Variants in TAFA1 observed in about 807,000 individuals in gnomAD.
TAFA1 encodes TAFA chemokine like family member 1, also known as chemokine-like protein TAFA-1.
Under a neutral mutation model 18.5 loss-of-function variants are expected in TAFA1, and 4 were observed. The observed-to-expected ratio is 0.22, with a 90% confidence interval of 0.11 to 0.49. TAFA1 has a LOEUF of 0.49. Among genes scored for constraint, TAFA1 ranks in the 20% least tolerant of loss-of-function variants. The pLI is 0.98. For synonymous variants in TAFA1, 56 were observed against 55.2 expected (o/e 1.01, Z -0.06); for missense variants, 147 against 169.0 (o/e 0.87, Z 0.72).
rs181777223 is a variant in TAFA1, at chr3:68,007,277, C to T, written c.118+533C>T. On this transcript the variant is annotated intron_variant, in intron 2 of 4. Coordinates refer to ENST00000478136, the MANE Select transcript of TAFA1 (RefSeq NM_213609.4). ...CCGGTATGCTCAGTGGCATTTTTCCCTCTCTTTTGGCAGTTTCAGGGACGA... is the reference window on the plus strand; with the variant it reads ...CCGGTATGCTCAGTGGCATTTTTCCTTCTCTTTTGGCAGTTTCAGGGACGA... Among the ~76,000 whole-genome samples, 430 of 152,248 alleles carry T rather than the reference C, an allele frequency of 2.8e-3. 1 individual carries two copies. Among genetic ancestry groups the T allele is most frequent in the African/African-American group, 9.2e-3 (384 of 41,536 alleles).
At chr3:68,535,785 AT>A (rs1270028484) in intron 3 of TAFA1, among the ~76,000 whole-genome samples, 1 of 152,114 alleles carries the variant, frequency 6.6e-6, no homozygotes, top group East Asian at 1.9e-4. Flanking sequence ...AATCTTGGAT[AT>A]GAGCTCTACT....
rs375720649 is a variant in TAFA1, at chr3:68,538,753, C to T, written c.260-3C>T. On this transcript the variant is annotated splice_region_variant and splice_polypyrimidine_tract_variant and intron_variant, in intron 3 of 4. Transcript: ENST00000478136. Reference sequence around the variant, plus strand: ...AACACAGTTGTTTCCTGTTTCTGCACAGCCTCCATAGTGATTGGGAAATGG... The same window carrying T: ...AACACAGTTGTTTCCTGTTTCTGCATAGCCTCCATAGTGATTGGGAAATGG... The T allele has an allele frequency of 1.9e-6, 3 of 1,612,954 alleles. No homozygotes were observed. Among genetic ancestry groups the T allele is most frequent in the Non-Finnish European group, 2.5e-6 (3 of 1,179,458 alleles).
chr3:68,268,669 T>G (rs1476617398), intron 2 of TAFA1, among the ~76,000 whole-genome samples: 1 of 152,160 alleles, frequency 6.6e-6, no homozygotes, highest in Non-Finnish European at 1.5e-5. Context: ...TTTGGTTTTC[T>G]TCCAGAAACC....
At chr3:68,078,294 C>G (rs577875216) in intron 2 of TAFA1, among the ~76,000 whole-genome samples, 1 of 151,544 alleles carries the variant, frequency 6.6e-6, no homozygotes, top group South Asian at 2.1e-4. Context: ...TAATTGAATA[C>G]CCTTTATTTC....
At chr3:68,265,750 T>A (rs1445873580) in intron 2 of TAFA1, among the ~76,000 whole-genome samples, 1 of 152,180 alleles carries the variant, frequency 6.6e-6, no homozygotes, top group Non-Finnish European at 1.5e-5. Context: ...CCCCTGGCTG[T>A]GAACTGTTGC....
intron 2 of TAFA1, among the ~76,000 whole-genome samples, chr3:68,220,746 G>A (rs901316369): frequency 6.6e-6 from 1 of 152,114 alleles, no homozygotes; most frequent in African/African-American, 2.4e-5. Flanking sequence ...GGGTCACAGT[G>A]TTCTTTGGCT....
At chr3:68,225,295 A>T (rs2066783946) in intron 2 of TAFA1, among the ~76,000 whole-genome samples, 1 of 152,110 alleles carries the variant, frequency 6.6e-6, no homozygotes, top group African/African-American at 2.4e-5. Flanking sequence ...AGGAGACATG[A>T]ATGGGAAGTT....
chr3:68,153,438 G>C (rs1369299701), intron 2 of TAFA1, among the ~76,000 whole-genome samples: 1 of 152,122 alleles, frequency 6.6e-6, no homozygotes, highest in Non-Finnish European at 1.5e-5. Flanking sequence ...GTAGATGAGA[G>C]AGTGGAAAGA....
chr3:68,225,900 C>A (rs1431034542), intron 2 of TAFA1, among the ~76,000 whole-genome samples: 1 of 151,384 alleles, frequency 6.6e-6, no homozygotes, highest in African/African-American at 2.4e-5. Flanking sequence ...AAAAAAAAAT[C>A]CATATGAAAA....
At chr3:68,349,279 C>T (rs1287032302) in intron 2 of TAFA1, among the ~76,000 whole-genome samples, 2 of 151,748 alleles carry the variant, frequency 1.3e-5, no homozygotes, top group East Asian at 1.9e-4. Flanking sequence ...CTTTTTTCTT[C>T]GTTTTCACAA....
intron 2 of TAFA1, among the ~76,000 whole-genome samples, chr3:68,225,917 G>T (rs1437501297): frequency 6.6e-6 from 1 of 151,752 alleles, no homozygotes; most frequent in African/African-American, 2.4e-5. Flanking sequence ...AAAACACTTT[G>T]AAAACCATCA....
chr3:68,451,880 G>A (rs1467369501), intron 3 of TAFA1, among the ~76,000 whole-genome samples: 3 of 152,194 alleles, frequency 2.0e-5, no homozygotes, highest in African/African-American at 4.8e-5. Context: ...AGTTCTGATG[G>A]CCTAACTTAA....
chr3:68,230,893 C>G (rs2066862963), intron 2 of TAFA1, among the ~76,000 whole-genome samples: 1 of 152,122 alleles, frequency 6.6e-6, no homozygotes. Flanking sequence ...ATTTTTATAT[C>G]TGTTGACCAT....
chr3:68,223,863 T>C (rs1411435514), intron 2 of TAFA1, among the ~76,000 whole-genome samples: 3 of 152,090 alleles, frequency 2.0e-5, no homozygotes, highest in African/African-American at 4.8e-5. Context: ...CACCATGCTT[T>C]ATTTTAATTT....
chr3:68,332,582 A>T (rs2068900652), intron 2 of TAFA1, among the ~76,000 whole-genome samples: 2 of 152,216 alleles, frequency 1.3e-5, no homozygotes, highest in South Asian at 4.1e-4. Context: ...AATTTTTTAA[A>T]TAAAAATTGG....
At chr3:68,112,343 G>A (rs1361070437) in intron 2 of TAFA1, among the ~76,000 whole-genome samples, 1 of 152,120 alleles carries the variant, frequency 6.6e-6, no homozygotes, top group Non-Finnish European at 1.5e-5. Context: ...GTTGTTTAAT[G>A]TTTCTTAATT....
intron 2 of TAFA1, among the ~76,000 whole-genome samples, chr3:68,233,625 T>C (rs1383441491): frequency 6.6e-6 from 1 of 152,154 alleles, no homozygotes; most frequent in African/African-American, 2.4e-5. Flanking sequence ...TTTCTACAAA[T>C]TTTAGGATTT....
At chr3:68,338,752 G>C (rs1167261453) in intron 2 of TAFA1, among the ~76,000 whole-genome samples, 3 of 152,172 alleles carry the variant, frequency 2.0e-5, no homozygotes, top group Non-Finnish European at 2.9e-5. Context: ...CTAACATCTG[G>C]TAACTGTATT....
chr3:68,383,924 G>T (rs904254659), intron 2 of TAFA1, among the ~76,000 whole-genome samples: 1 of 151,916 alleles, frequency 6.6e-6, no homozygotes. Flanking sequence ...ATATGTCCAG[G>T]AATTTATTCA....
Sources: gnomAD v4.1 joint callset for allele counts (sites outside exome capture counted in the v4.1 genomes callset) on GRCh38, gnomAD v4.1.1 for gene constraint, MANE v1.5 for transcripts, NCBI Gene and HGNC (gene_info 2026-07-23, HGNC 2026-07-21) for gene names.